ADGRL2: variants seen among roughly 807,000 people sequenced by gnomAD.
ADGRL2 encodes the protein calcium-independent alpha-latrotoxin receptor 2.
In ADGRL2, 44 loss-of-function variants were observed where a neutral mutation model predicts 157.4. The observed-to-expected ratio is 0.28, with a 90% CI of 0.22 to 0.36. The LOEUF is 0.36. ADGRL2 is among the 10% of genes least tolerant of loss of function. The pLI is 1.00. For missense variants in ADGRL2, 1,510 were observed against 1,768.9 expected, an observed-to-expected ratio of 0.85 and a Z score of 2.63; for synonymous variants, 585 against 624.7, an observed-to-expected ratio of 0.94 and a Z score of 0.95.
intron 3 of ADGRL2, among the ~76,000 whole-genome samples, chr1:81,581,958 C>T (rs2080923959): frequency 6.6e-6 from 1 of 151,956 alleles, no homozygotes; most frequent in Non-Finnish European, 1.5e-5. Flanking sequence ...TGGTGGCTCA[C>T]ACCTATAACC....
chr1:81,499,908 A>C (rs2078809215), intron 2 of ADGRL2, among the ~76,000 whole-genome samples: 1 of 152,158 alleles, frequency 6.6e-6, no homozygotes, highest in Admixed American at 6.5e-5. Context: ...ATGTGTATAC[A>C]CATAATCTCC....
At chr1:81,518,756 C>T (rs1203530474) in intron 2 of ADGRL2, among the ~76,000 whole-genome samples, 1 of 149,334 alleles carries the variant, frequency 6.7e-6, no homozygotes, top group Non-Finnish European at 1.5e-5. Context: ...TGAGATCGTG[C>T]GACTGCACTC....
At chr1:81,980,080 C>A in intron 18 of ADGRL2, 120 bp downstream of exon 18, 1 of 616,526 alleles carries the variant, frequency 1.6e-6, no homozygotes. Flanking sequence ...TGAAGTTTTA[C>A]TGCCCTCAAG....
intron 1 of ADGRL2, among the ~76,000 whole-genome samples, chr1:81,750,791 G>A (rs1462185085): frequency 6.6e-6 from 1 of 152,162 alleles, no homozygotes; most frequent in Non-Finnish European, 1.5e-5. Context: ...TTTGGAAATG[G>A]AGGAAGCAGT....
chr1:81,952,938 C>T, intron 9 of ADGRL2, 49 bp from the exon 10 acceptor site: 1 of 1,424,142 alleles, frequency 7.0e-7, no homozygotes, highest in Non-Finnish European at 9.9e-7. Context: ...TCCTCATTTT[C>T]AGCAGATAAA....
chr1:81,662,986 C>T (rs12737624), intron 3 of ADGRL2, among the ~76,000 whole-genome samples: 29,612 of 151,854 alleles, frequency 0.2, 3,682 homozygotes, highest in South Asian at 0.32. Flanking sequence ...CACTTTGAAA[C>T]GCTAAAAGGC....
chr1:81,596,349 T>G (rs2148612507), intron 3 of ADGRL2: 2 of 529,878 alleles, frequency 3.8e-6, no homozygotes, highest in Non-Finnish European at 7.3e-6. Flanking sequence ...CATTCGAACT[T>G]GTCCTTTCAC....
chr1:81,724,743 G>A (rs898977460), intron 1 of ADGRL2, among the ~76,000 whole-genome samples: 1 of 152,208 alleles, frequency 6.6e-6, no homozygotes, highest in Admixed American at 6.5e-5. Flanking sequence ...AGTGGTAGGT[G>A]CAGTGAAGTA....
At chr1:81,763,984 C>T (rs1045141231) in intron 2 of ADGRL2, among the ~76,000 whole-genome samples, 12 of 151,690 alleles carry the variant, frequency 7.9e-5, no homozygotes, top group African/African-American at 1.2e-4. Context: ...CCAACCTGGG[C>T]GACAGTGAGA....
intron 1 of ADGRL2, among the ~76,000 whole-genome samples, chr1:81,334,617 T>G (rs943305954): frequency 7.9e-5 from 12 of 152,224 alleles, no homozygotes; most frequent in Non-Finnish European, 1.6e-4. Flanking sequence ...CAAAAAGCAA[T>G]GAAAATGGTT....
intron 2 of ADGRL2, among the ~76,000 whole-genome samples, chr1:81,510,496 C>A (rs2079055858): frequency 6.6e-6 from 1 of 152,042 alleles, no homozygotes. Flanking sequence ...ATATGAAATA[C>A]ATATGGTACT....
intron 1 of ADGRL2, among the ~76,000 whole-genome samples, chr1:81,410,331 C>A (rs1351024495): frequency 2.0e-5 from 3 of 152,168 alleles, no homozygotes; most frequent in Non-Finnish European, 2.9e-5. Context: ...TTAAAGGATG[C>A]AGTAGAACAA....
chr1:81,414,759 TGA>T (rs1476358256), intron 1 of ADGRL2, among the ~76,000 whole-genome samples: 1 of 152,214 alleles, frequency 6.6e-6, no homozygotes, highest in Non-Finnish European at 1.5e-5. Flanking sequence ...TGTATTTTGG[TGA>T]TGGGAAAAGC....
At chr1:81,582,184 C>T (rs1467791206) in intron 3 of ADGRL2, among the ~76,000 whole-genome samples, 1 of 152,032 alleles carries the variant, frequency 6.6e-6, no homozygotes, top group Non-Finnish European at 1.5e-5. Flanking sequence ...CACGCCACTA[C>T]ACTCCAGGCT....
intron 2 of ADGRL2, among the ~76,000 whole-genome samples, chr1:81,887,270 C>T (rs2094148137): frequency 6.6e-6 from 1 of 152,178 alleles, no homozygotes; most frequent in South Asian, 2.1e-4. Context: ...TGTCTTTCTA[C>T]ATAGTGCCTA....
chr1:81,728,422 G>A (rs115678328), intron 1 of ADGRL2, among the ~76,000 whole-genome samples: 1,552 of 152,232 alleles, frequency 0.01, 26 homozygotes, highest in African/African-American at 0.035. Context: ...TTAAATGCAG[G>A]TATTTGTGTT....
intron 2 of ADGRL2, among the ~76,000 whole-genome samples, chr1:81,447,269 T>C (rs2077615757): frequency 6.6e-6 from 1 of 152,170 alleles, no homozygotes; most frequent in South Asian, 2.1e-4. Context: ...ATAGTAGATC[T>C]TAAAAGTGTA....
At chr1:81,881,695 C>G (rs1317338443) in intron 2 of ADGRL2, among the ~76,000 whole-genome samples, 1 of 152,104 alleles carries the variant, frequency 6.6e-6, no homozygotes, top group South Asian at 2.1e-4. Flanking sequence ...CTCTGAGTTC[C>G]TACACCGCTT....
intron 3 of ADGRL2, among the ~76,000 whole-genome samples, chr1:81,909,387 A>G (rs2148362062): frequency 6.6e-6 from 1 of 152,304 alleles, no homozygotes; most frequent in South Asian, 2.1e-4. Flanking sequence ...GACTTAAAAC[A>G]TAGAAACAGG....
Sources: allele counts gnomAD v4.1 joint callset (sites outside exome capture counted in the v4.1 genomes callset), GRCh38; gene constraint gnomAD v4.1.1; transcripts MANE v1.5; gene names NCBI Gene and HGNC (gene_info 2026-07-23, HGNC 2026-07-21).